The following ITPRID1 variants were observed in gnomAD, a reference collection of about 807,000 sequenced individuals.
ITPRID1 encodes the protein ITPR interacting domain containing 1.
A neutral mutation model predicts 95.4 loss-of-function variants in ITPRID1; 96 were observed. That is an observed-to-expected ratio of 1.01 (90% CI 0.85 to 1.19). The LOEUF (loss-of-function observed/expected upper bound fraction) is 1.19, where lower values mean the gene tolerates loss of function less well. Ranked by LOEUF, ITPRID1 falls within the 50% of genes most tolerant of loss-of-function variation. The pLI, the probability that ITPRID1 is intolerant of heterozygous loss-of-function variation, is 0.00. For synonymous variants in ITPRID1, 510 were observed against 453.6 expected (o/e 1.12, Z -1.58); for missense variants, 1,339 against 1,252.9 (o/e 1.07, Z -1.04).
intron 10 of ITPRID1, among the ~76,000 whole-genome samples, chr7:31,590,706 G>C (rs1785828633): frequency 6.6e-6 from 1 of 152,042 alleles, no homozygotes; most frequent in African/African-American, 2.4e-5. Flanking sequence ...GGAAGATTGA[G>C]GACACTAAAT....
chr7:31,639,232 T>G (rs560934648), intron 10 of ITPRID1, among the ~76,000 whole-genome samples: 1 of 152,232 alleles, frequency 6.6e-6, no homozygotes, highest in Non-Finnish European at 1.5e-5. Flanking sequence ...CTGAGGCTAC[T>G]TGGACTTGTC....
intron 12 of ITPRID1, among the ~76,000 whole-genome samples, chr7:31,649,410 T>A (rs1224130717): frequency 6.6e-6 from 1 of 152,150 alleles, no homozygotes; most frequent in East Asian, 1.9e-4. Context: ...GCCTGCAAGA[T>A]CAGTTTCCTT....
intron 10 of ITPRID1, among the ~76,000 whole-genome samples, chr7:31,637,818 A>G (rs191327010): frequency 6.6e-6 from 1 of 152,306 alleles, no homozygotes; most frequent in Admixed American, 6.5e-5. Context: ...GCCCATGCCT[A>G]TGTCCTGAAC....
intron 3 of ITPRID1, among the ~76,000 whole-genome samples, chr7:31,553,846 A>G (rs902905390): frequency 6.6e-6 from 1 of 152,214 alleles, no homozygotes; most frequent in African/African-American, 2.4e-5. Context: ...GAATGGAAAC[A>G]AATATTTAAC....
At chr7:31,598,384 T>A (rs995319424) in intron 10 of ITPRID1, among the ~76,000 whole-genome samples, 2 of 123,110 alleles carry the variant, frequency 1.6e-5, no homozygotes, top group African/African-American at 5.4e-5. Flanking sequence ...AATAGCGAAT[T>A]TCTTTTTTTT....
rs939877703 is a variant in ITPRID1, at chr7:31,625,477, A to G, written c.1229-16699A>G. On this transcript the variant is annotated intron_variant, in intron 10 of 14. Transcript: ENST00000615280. ...ATGAGTTCATGTCCTTTGTAGGGAC[A>G]TGGATGAAATTGGAAATCATCATTC... Among the ~76,000 whole-genome samples, 51 of 152,204 alleles carry G rather than the reference A, an allele frequency of 3.4e-4. 1 individual carries two copies. The highest frequency in any genetic ancestry group is 2.6e-3 in the Admixed American group (40 of 15,286).
intron 6 of ITPRID1, 94 bp from the exon 7 acceptor site, chr7:31,572,008 C>A (rs2128143670): frequency 1.3e-6 from 1 of 780,998 alleles, no homozygotes; most frequent in South Asian, 1.7e-5. Context: ...AGAGGAAATG[C>A]AAATGTTTGC....
At chr7:31,636,725 TA>T (rs745610017) in intron 10 of ITPRID1, among the ~76,000 whole-genome samples, 3,617 of 111,312 alleles carry the variant, frequency 0.032, 135 homozygotes, top group African/African-American at 0.099. Context: ...CTTTTTTTTT[TA>T]AAAATTTTAT....
chr7:31,543,810 C>T (rs931395382), intron 1 of ITPRID1, among the ~76,000 whole-genome samples: 1 of 151,904 alleles, frequency 6.6e-6, no homozygotes, highest in African/African-American at 2.4e-5. Context: ...TGGATTGTTC[C>T]TTTGGTGTCA....
chr7:31,624,157 G>C (rs955514073), intron 10 of ITPRID1, among the ~76,000 whole-genome samples: 7 of 150,804 alleles, frequency 4.6e-5, no homozygotes, highest in Non-Finnish European at 7.4e-5. Context: ...CCATGCTCAT[G>C]GGTAGGAAGA....
rs1784338393 is a variant in ITPRID1, at chr7:31,553,128, A to T, written c.104A>T (p.Asp35Val). The change falls in exon 3 of 15, where the codon GAT becomes GTT. Residue 35 changes from aspartate (D) to valine (V), a missense_variant. By Grantham distance (152) the Asp-to-Val change is radical (BLOSUM62 -3). Transcript: ENST00000615280. ...KCTKSAWAPLDEWLPPDPEEE... is the reference protein window; with the variant it reads ...KCTKSAWAPLVEWLPPDPEEE... ...ACCAAAAGCGCGTGGGCTCCGCTGGATGAGTGGCTGCCCCCTGACCCTGAG... is the reference window on the plus strand; with the variant it reads ...ACCAAAAGCGCGTGGGCTCCGCTGGTTGAGTGGCTGCCCCCTGACCCTGAG... 1 of 1,595,938 alleles carries T rather than the reference A, an allele frequency of 6.3e-7. No homozygotes were observed. The highest frequency in any genetic ancestry group is 1.3e-5 in the African/African-American group (1 of 74,614).
chr7:31,658,420 A>G, downstream of ITPRID1: 1 of 1,477,522 alleles, frequency 6.8e-7, no homozygotes, highest in Non-Finnish European at 8.9e-7. Context: ...GAAAATAATC[A>G]GTTTCCAGAG....
At chr7:31,657,424 A>T (rs1239018314), downstream of ITPRID1, among the ~76,000 whole-genome samples, 4 of 152,216 alleles carry the variant, frequency 2.6e-5, no homozygotes, top group African/African-American at 9.6e-5. Context: ...TCTCATTGCT[A>T]TAGAAAAATT....
At chr7:31,535,215 T>C (rs1783721302) in intron 1 of ITPRID1, among the ~76,000 whole-genome samples, 1 of 152,174 alleles carries the variant, frequency 6.6e-6, no homozygotes, top group African/African-American at 2.4e-5. Flanking sequence ...TATCAGAATC[T>C]ATCATTAAAG....
rs1425672298 is a variant in ITPRID1 at position 31,654,065 on chromosome 7, A to G, written c.*1236A>G. On this transcript the variant is annotated 3_prime_UTR_variant, in exon 15 of 15. Coordinates refer to ENST00000615280, the MANE Select transcript of ITPRID1 (RefSeq NM_001257967.3). ...TGAAGAGTAAGTCCAAAAAAAAAAA[A>G]AAAAAAACCAACAAGCAAATAATTA... Among the ~76,000 whole-genome samples, 1 of 152,064 alleles carries G rather than the reference A, an allele frequency of 6.6e-6. No homozygotes were observed. The highest frequency in any genetic ancestry group is 1.5e-5 in the Non-Finnish European group (1 of 67,996).
Position 31,656,430 on chromosome 7 carries a change from C to A in ITPRID1, c.*3601C>A, listed in dbSNP as rs566113582. 10 of 743,882 alleles carry A rather than the reference C, an allele frequency of 1.3e-5. No individual in the cohort carries two copies. In the African/African-American group the frequency reaches 1.5e-4, roughly 11 times the overall value. The allele number at this position is 743,882 out of a possible 1,614,324, so 46.1% of individuals were successfully genotyped here. ...GCAGTGTTTAATCCAATGTCCATCACGTAGTAAGTGTTCAATGCATGTTGG... is the reference window on the plus strand; with the variant it reads ...GCAGTGTTTAATCCAATGTCCATCAAGTAGTAAGTGTTCAATGCATGTTGG... On this transcript the variant is annotated 3_prime_UTR_variant, in exon 15 of 15. Transcript: ENST00000615280.
At chr7:31,657,994 A>G (rs1791375653), downstream of ITPRID1, among the ~76,000 whole-genome samples, 1 of 152,228 alleles carries the variant, frequency 6.6e-6, no homozygotes. Flanking sequence ...GATTCCATTT[A>G]TTCAAAGCCA....
chr7:31,652,688 G>A lies in ITPRID1; in HGVS notation c.2994G>A (p.Gly998=), dbSNP rs752601918. ...GCCAGGAGGCTCCCTGTTCAGGTGGGACCCAGTTGGCTGCCTTCACTCCAC... is the reference window on the plus strand; with the variant it reads ...GCCAGGAGGCTCCCTGTTCAGGTGGAACCCAGTTGGCTGCCTTCACTCCAC... ...DDGQEAPCSG[G]TQLAAFTPPT... is the part of the protein sequence containing the mutation. Residue 998 remains glycine (G), a synonymous_variant, in exon 15 of 15, where the codon GGG becomes GGA. Coordinates refer to ENST00000615280, the MANE Select transcript of ITPRID1 (RefSeq NM_001257967.3). 8 of 1,613,780 alleles carry A rather than the reference G, an allele frequency of 5.0e-6. No individual in the cohort carries two copies. In the African/African-American group the frequency reaches 9.3e-5, roughly 19 times the overall value.
At chr7:31,617,013 TTTTC>T (rs576302196) in intron 10 of ITPRID1, among the ~76,000 whole-genome samples, 15 of 152,176 alleles carry the variant, frequency 9.9e-5, no homozygotes, top group Admixed American at 2.0e-4. Context: ...TGCATTCTTC[TTTTC>T]TTTATGACAG....
Sources: allele counts gnomAD v4.1 joint callset (sites outside exome capture counted in the v4.1 genomes callset), GRCh38; gene constraint gnomAD v4.1.1; transcripts MANE v1.5; gene names NCBI Gene and HGNC (gene_info 2026-07-23, HGNC 2026-07-21).